Variants in GTF2H1 observed in about 807,000 individuals in gnomAD.
The protein encoded by GTF2H1 is BTF2 p62.
GTF2H1 carries 16 observed loss-of-function variants against 71.2 expected under a neutral mutation model. That is an observed-to-expected ratio of 0.22 (90% CI 0.15 to 0.34). The LOEUF (loss-of-function observed/expected upper bound fraction) is 0.34. GTF2H1 is among the 10% of genes least tolerant of loss of function. GTF2H1 has a pLI of 1.00. For synonymous variants in GTF2H1, 215 were observed against 219.0 expected (o/e 0.98, Z 0.16); for missense variants, 498 against 648.2 (o/e 0.77, Z 2.52).
intron 1 of GTF2H1, among the ~76,000 whole-genome samples, chr11:18,331,597 C>T (rs1488535632): frequency 1.3e-5 from 2 of 151,704 alleles, no homozygotes; most frequent in Non-Finnish European, 2.9e-5. Context: ...ACCCAGGAGG[C>T]GAAGGTTGTG....
chr11:18,356,702 A>C (rs1312380103), intron 11 of GTF2H1, among the ~76,000 whole-genome samples: 2 of 151,844 alleles, frequency 1.3e-5, no homozygotes, highest in Non-Finnish European at 2.9e-5. Flanking sequence ...CTCCCACCTC[A>C]GCCTCCTGAG....
At chr11:18,363,298 A>G (rs1865748892) in intron 14 of GTF2H1, among the ~76,000 whole-genome samples, 1 of 152,216 alleles carries the variant, frequency 6.6e-6, no homozygotes. Flanking sequence ...CATATTCATT[A>G]TCATTATCAA....
chr11:18,355,378 C>CAA (rs1223607493), intron 11 of GTF2H1, among the ~76,000 whole-genome samples: 1 of 151,168 alleles, frequency 6.6e-6, no homozygotes, highest in African/African-American at 2.4e-5. Context: ...CTCCTGACCT[C>CAA]GTGATCCACC....
intron 7 of GTF2H1, among the ~76,000 whole-genome samples, chr11:18,343,580 GTAAAAA>G (rs1865214248): frequency 6.6e-6 from 1 of 152,020 alleles, no homozygotes; most frequent in Admixed American, 6.6e-5. Flanking sequence ...AGGGGAGGGA[GTAAAAA>G]TAAAAATAAA....
At chr11:18,348,873 G>T (rs534462354) in intron 9 of GTF2H1, 6 of 152,194 alleles carry the variant, frequency 3.9e-5, no homozygotes, top group Admixed American at 3.3e-4. Flanking sequence ...TAATGTTTTT[G>T]TTGTTGTTAT....
At chr11:18,365,322 G>A (rs1221281163) in intron 14 of GTF2H1, among the ~76,000 whole-genome samples, 1 of 152,060 alleles carries the variant, frequency 6.6e-6, no homozygotes, top group Non-Finnish European at 1.5e-5. Flanking sequence ...AGGCTGCAGT[G>A]AGCCAAAATC....
At chr11:18,343,509 A>G (rs1380251227) in intron 7 of GTF2H1, among the ~76,000 whole-genome samples, 1 of 152,134 alleles carries the variant, frequency 6.6e-6, no homozygotes, top group Non-Finnish European at 1.5e-5. Flanking sequence ...ATCACAGGCT[A>G]TGATCTATGG....
chr11:18,359,933 G>A (rs1865657087), intron 13 of GTF2H1, among the ~76,000 whole-genome samples: 1 of 151,604 alleles, frequency 6.6e-6, no homozygotes, highest in Non-Finnish European at 1.5e-5. Flanking sequence ...ACCAACTTGG[G>A]CAACATGGCA....
intron 10 of GTF2H1, 35 bp downstream of exon 10, chr11:18,352,004 T>G (rs369605041): frequency 9.3e-7 from 1 of 1,080,108 alleles, no homozygotes; most frequent in Non-Finnish European, 1.4e-6. Context: ...AATAGCTATG[T>G]AACAATTCAG....
Sources: allele counts gnomAD v4.1 joint callset (sites outside exome capture counted in the v4.1 genomes callset), GRCh38; gene constraint gnomAD v4.1.1; transcripts MANE v1.5; gene names NCBI Gene and HGNC (gene_info 2026-07-23, HGNC 2026-07-21).